Variants in PAPPA2 observed in about 807,000 individuals in gnomAD.
PAPPA2 encodes the protein pappalysin-2.
Under a neutral mutation model 176.4 loss-of-function variants are expected in PAPPA2, and 86 were observed. The ratio of observed to expected loss-of-function variants is 0.49; its 90% CI spans 0.41 to 0.58. The LOEUF is 0.58. Among genes scored for constraint, PAPPA2 ranks in the 20% least tolerant of loss-of-function variants. The probability of loss-of-function intolerance (pLI) is 0.00; values close to 1 mark genes in which losing one functional copy is unlikely to be tolerated. For synonymous variants in PAPPA2, 809 were observed against 852.2 expected (o/e 0.95, Z 0.88); for missense variants, 2,073 against 2,256.9 (o/e 0.92, Z 1.65).
chr1:176,569,519 C>T (rs1003068143), intron 2 of PAPPA2, among the ~76,000 whole-genome samples: 1 of 152,186 alleles, frequency 6.6e-6, no homozygotes, highest in East Asian at 1.9e-4. Flanking sequence ...AGAAACCTAC[C>T]GTAATTTCCA....
At chr1:176,803,442 A>AGTTGTAAACTGAGGATG (rs1169394067) in intron 21 of PAPPA2, among the ~76,000 whole-genome samples, 1 of 152,156 alleles carries the variant, frequency 6.6e-6, no homozygotes, top group Non-Finnish European at 1.5e-5. Context: ...GGATGTGAAA[A>AGTTGTAAACTGAGGATG]AGGAAAGGAA....
At chr1:176,482,909 C>T (rs1652469711) in intron 1 of PAPPA2, among the ~76,000 whole-genome samples, 1 of 152,106 alleles carries the variant, frequency 6.6e-6, no homozygotes, top group Non-Finnish European at 1.5e-5. Context: ...TCAAACCTAC[C>T]CAACTACATG....
At chr1:176,589,621 A>G (rs1653531984) in intron 2 of PAPPA2, among the ~76,000 whole-genome samples, 1 of 152,238 alleles carries the variant, frequency 6.6e-6, no homozygotes, top group Admixed American at 6.5e-5. Context: ...TTTCTAATCC[A>G]TGGGCTATCA....
chr1:176,588,959 G>A (rs774128639), intron 2 of PAPPA2, among the ~76,000 whole-genome samples: 14 of 152,172 alleles, frequency 9.2e-5, no homozygotes, highest in South Asian at 2.1e-4. Context: ...TTTGTTGTGC[G>A]TAGGGGCATG....
At position 176,512,010 on chromosome 1, in the gene PAPPA2, G is replaced by A. The variant is rs530105326; in HGVS notation, c.-916-43397G>A. Among the ~76,000 whole-genome samples the A allele has an allele frequency of 2.0e-5, 3 of 152,012 alleles. No individual in the cohort carries two copies. In the East Asian group the frequency reaches 5.8e-4, roughly 29 times the overall value. On this transcript the variant is annotated intron_variant, in intron 1 of 22. Transcript: ENST00000367662. ...ACTCAGAATACCTAGGTCAGACAAAGTACTTGCAACTAGAATATATAAGGA... is the reference window on the plus strand; with the variant it reads ...ACTCAGAATACCTAGGTCAGACAAAATACTTGCAACTAGAATATATAAGGA...
chr1:176,770,477 C>T (rs1002333172), intron 16 of PAPPA2, among the ~76,000 whole-genome samples: 3 of 152,158 alleles, frequency 2.0e-5, no homozygotes, highest in African/African-American at 7.2e-5. Flanking sequence ...GGGCAAGTTA[C>T]CGATCCCCAA....
At chr1:176,469,443 C>G (rs1651777089) in intron 1 of PAPPA2, among the ~76,000 whole-genome samples, 1 of 152,116 alleles carries the variant, frequency 6.6e-6, no homozygotes, top group South Asian at 2.1e-4. Context: ...CACCAACATG[C>G]CTGTGAGTGG....
At position 176,690,968 on chromosome 1, in the gene PAPPA2, T is replaced by G. The variant is rs73046374; in HGVS notation, c.2431+538T>G. On this transcript the variant is annotated intron_variant, in intron 5 of 22. Transcript: ENST00000367662. ...TTTTCCAGCACTAGTCAAGCACAAATTCTTAGCTGCCTACCACCCTTTCCC... is the reference window on the plus strand; with the variant it reads ...TTTTCCAGCACTAGTCAAGCACAAAGTCTTAGCTGCCTACCACCCTTTCCC... The G allele has an allele frequency of 2.2e-4, 216 of 984,112 alleles. No individual in the cohort carries two copies. The African/African-American group carries it at 3.6e-3, about 16-fold the overall frequency. 61.0% of individuals were successfully genotyped at this position (984,112 alleles called of 1,614,324 possible).
intron 10 of PAPPA2, among the ~76,000 whole-genome samples, chr1:176,707,354 C>T (rs911725186): frequency 5.9e-5 from 9 of 152,094 alleles, no homozygotes; most frequent in Non-Finnish European, 8.8e-5. Flanking sequence ...GGTCCTCTCT[C>T]CATAAATTCA....
intron 1 of PAPPA2, among the ~76,000 whole-genome samples, chr1:176,499,658 T>A (rs1034277604): frequency 5.9e-5 from 9 of 152,190 alleles, no homozygotes; most frequent in Non-Finnish European, 1.3e-4. Context: ...CTACCAGCTC[T>A]CCTTCATAAT....
rs373113779 is a variant in PAPPA2, at chr1:176,838,905, T to C, written c.5203-1268T>C. ...ATGTTCAAATGACATCAGGATCCCA[T>C]AGAATAAATCAAAACATGGAAGTAA... is the stretch of plus-strand genomic sequence containing the variant. On this transcript the variant is annotated intron_variant, in intron 21 of 22. Coordinates refer to ENST00000367662, the MANE Select transcript of PAPPA2 (RefSeq NM_020318.3). 7.2e-5 allele frequency among the ~76,000 whole-genome samples: 11 copies of C among 152,324 alleles called. No individual in the cohort carries two copies. In the East Asian group the frequency reaches 1.7e-3, roughly 24 times the overall value.
At chr1:176,689,527 T>A (rs1660003583) in intron 4 of PAPPA2, among the ~76,000 whole-genome samples, 1 of 152,174 alleles carries the variant, frequency 6.6e-6, no homozygotes, top group African/African-American at 2.4e-5. Context: ...TACACAGCTG[T>A]CATTTCCTTT....
intron 1 of PAPPA2, among the ~76,000 whole-genome samples, chr1:176,479,320 G>A (rs1652279175): frequency 6.6e-6 from 1 of 152,112 alleles, no homozygotes; most frequent in Non-Finnish European, 1.5e-5. Context: ...TCTTGTGGAG[G>A]TTTTGGTGGA....
At chr1:176,512,017 C>T (rs1282147400) in intron 1 of PAPPA2, among the ~76,000 whole-genome samples, 1 of 151,768 alleles carries the variant, frequency 6.6e-6, no homozygotes, top group Non-Finnish European at 1.5e-5. Flanking sequence ...AAAGTACTTG[C>T]AACTAGAATA....
chr1:176,464,271 A>G (rs1190374747), intron 1 of PAPPA2, among the ~76,000 whole-genome samples: 1 of 152,214 alleles, frequency 6.6e-6, no homozygotes, highest in Non-Finnish European at 1.5e-5. Flanking sequence ...GAACACTCCC[A>G]TAATTTCAAA....
Position 176,468,928 on chromosome 1 carries a change from C to A in PAPPA2, c.-917+5510C>A, listed in dbSNP as rs191172698. On this transcript the variant is annotated intron_variant, in intron 1 of 22. Transcript: ENST00000367662. Reference sequence around the variant, plus strand: ...CTGTCTGGTACTGTTTTTGGCAATTCAAATGCATCATTTCATTAAACACTC... The same window carrying A: ...CTGTCTGGTACTGTTTTTGGCAATTAAAATGCATCATTTCATTAAACACTC... Among the ~76,000 whole-genome samples the A allele has an allele frequency of 1.7e-3, 252 of 152,282 alleles. 1 individual carries two copies. Among genetic ancestry groups the A allele is most frequent in the Non-Finnish European group, 2.6e-3 (180 of 68,020 alleles).
chr1:176,702,632 C>T lies in PAPPA2; in HGVS notation c.3262C>T (p.Gln1088Ter), dbSNP rs143619809. The T allele has an allele frequency of 2.5e-6, 4 of 1,614,106 alleles. No individual in the cohort carries two copies. Among genetic ancestry groups the T allele is most frequent in the Non-Finnish European group, 3.4e-6 (4 of 1,180,022 alleles). ...GGAGGTCACACCTGGACAGATGTATCAGTACCAAGTTCTAGCTGAAGCTGG... is the reference window on the plus strand; with the variant it reads ...GGAGGTCACACCTGGACAGATGTATTAGTACCAAGTTCTAGCTGAAGCTGG... The part of the protein sequence containing the change: ...DVEVTPGQMY[Q>*]YQVLAEAGGE... Residue 1088 changes from glutamine (Q) to a stop codon, truncating the protein, a stop_gained, in exon 9 of 23, where the codon CAG becomes TAG. Coordinates refer to ENST00000367662, the MANE Select transcript of PAPPA2 (RefSeq NM_020318.3). LOFTEE classifies it high-confidence loss of function.
intron 14 of PAPPA2, among the ~76,000 whole-genome samples, chr1:176,761,372 A>G (rs149261919): frequency 2.2e-4 from 34 of 152,298 alleles, no homozygotes; most frequent in African/African-American, 7.9e-4. Context: ...AAGGTACATC[A>G]TATTCTTACC....
intron 1 of PAPPA2, among the ~76,000 whole-genome samples, chr1:176,550,491 G>A (rs755073661): frequency 6.6e-6 from 1 of 152,160 alleles, no homozygotes; most frequent in African/African-American, 2.4e-5. Context: ...AGGGCTCCAC[G>A]AGCTAGTTCC....
Sources: gnomAD v4.1 joint callset for allele counts (sites outside exome capture counted in the v4.1 genomes callset) on GRCh38, gnomAD v4.1.1 for gene constraint, MANE v1.5 for transcripts, NCBI Gene and HGNC (gene_info 2026-07-23, HGNC 2026-07-21) for gene names.